The following A4GALT variants were observed in gnomAD, a reference collection of about 807,000 sequenced individuals.
A4GALT encodes the protein alpha 1,4-galactosyltransferase (P1PK blood group), also known as lactosylceramide 4-alpha-galactosyltransferase.
For synonymous variants in A4GALT, 257 were observed against 220.7 expected (o/e 1.16, Z -1.46); for missense variants, 512 against 486.0 (o/e 1.05, Z -0.50).
intron 1 of A4GALT, chr22:42,718,111 A>G (rs1441225301): frequency 1.3e-5 from 2 of 152,256 alleles, no homozygotes; most frequent in Admixed American, 6.5e-5. Context: ...AAAAGTCAAG[A>G]GATCCAATAA....
intron 1 of A4GALT, among the ~76,000 whole-genome samples, chr22:42,720,440 C>T (rs1262066844): frequency 1.3e-5 from 2 of 152,132 alleles, no homozygotes; most frequent in African/African-American, 2.4e-5. Context: ...CCGGGCAGAG[C>T]CTGCCTCGAA....
intron 1 of A4GALT, among the ~76,000 whole-genome samples, chr22:42,717,102 C>T (rs573415538): frequency 5.9e-5 from 9 of 152,106 alleles, no homozygotes; most frequent in Non-Finnish European, 1.5e-5. Context: ...GGGAAGGGGG[C>T]TCCCCTAGTC....
intron 1 of A4GALT, among the ~76,000 whole-genome samples, chr22:42,718,085 G>A (rs1320576298): frequency 1.3e-5 from 2 of 152,094 alleles, no homozygotes; most frequent in Non-Finnish European, 2.9e-5. Context: ...ATCAAAAAGA[G>A]CCAAATATAT....
chr22:42,711,677 AG>A (rs1921708307), intron 1 of A4GALT, among the ~76,000 whole-genome samples: 1 of 151,854 alleles, frequency 6.6e-6, no homozygotes, highest in African/African-American at 2.4e-5. Flanking sequence ...TCTGTTGCCC[AG>A]GCTGCAGTGC....
chr22:42,702,308 A>G (rs963172434), intron 1 of A4GALT, among the ~76,000 whole-genome samples: 3 of 151,790 alleles, frequency 2.0e-5, no homozygotes, highest in African/African-American at 4.8e-5. Flanking sequence ...CCCCCCGGAA[A>G]AAGGGGCTCC....
chr22:42,692,741 C>G lies in A4GALT; in HGVS notation c.*149G>C. ...TCCTCGGGGTGTCCACAGCCTCCCA[C>G]TGGGCCTGCTCCCACAGCTCCTCAA... On this transcript the variant is annotated 3_prime_UTR_variant, in exon 3 of 3. Transcript: ENST00000642412. This position sits in a 1 kb window ranked among gnomAD's most constrained non-coding sequence, Gnocchi z 4.6. The G allele has an allele frequency of 1.1e-6, 1 of 909,264 alleles. No homozygotes were observed. Among genetic ancestry groups the G allele is most frequent in the South Asian group, 1.4e-5 (1 of 71,226 alleles). The allele number at this position is 909,264 out of a possible 1,614,324, so 56.3% of individuals were successfully genotyped here. A position where few individuals can be genotyped will look rare whatever the true frequency, so the allele number is the denominator to read the frequency against.
chr22:42,695,648 GAAGA>G lies in A4GALT; in HGVS notation c.-187-21_-187-18del, dbSNP rs1930870773. 6.6e-6 allele frequency: 1 copy of G among 152,222 alleles called. No homozygotes were observed. The highest frequency in any genetic ancestry group is 1.5e-5 in the Non-Finnish European group (1 of 68,082). The allele number at this position is 152,222 out of a possible 1,614,324, so 9.4% of individuals were successfully genotyped here. ...CAAATCCATCTGCAAAAGATGGCAA[GAAGA>G]GAGTGAAACAGGTCGCTGGCTCTCA... On this transcript the variant is annotated intron_variant, in intron 1 of 2. Coordinates refer to ENST00000642412, the MANE Select transcript of A4GALT (RefSeq NM_017436.7).
chr22:42,697,615 G>A (rs1159150372), intron 1 of A4GALT, among the ~76,000 whole-genome samples: 4 of 152,068 alleles, frequency 2.6e-5, no homozygotes, highest in Admixed American at 2.0e-4. Flanking sequence ...CTCAGGCCAC[G>A]CCATATTTGG....
chr22:42,698,214 C>T (rs1328019987), intron 1 of A4GALT, among the ~76,000 whole-genome samples: 1 of 148,366 alleles, frequency 6.7e-6, no homozygotes, highest in African/African-American at 2.5e-5. Context: ...TGCCACTGCA[C>T]TCTAGCCTGG....
chr22:42,700,834 G>A (rs1020068709), intron 1 of A4GALT, among the ~76,000 whole-genome samples: 9 of 152,374 alleles, frequency 5.9e-5, no homozygotes, highest in African/African-American at 2.2e-4. Context: ...TCGCATTATA[G>A]GCCTTTCCTC....
chr22:42,692,676 AT>A lies in A4GALT; in HGVS notation c.*213del, dbSNP rs749020920. On this transcript the variant is annotated 3_prime_UTR_variant, in exon 3 of 3. Coordinates refer to ENST00000642412, the MANE Select transcript of A4GALT (RefSeq NM_017436.7). This position sits in a 1 kb window ranked among gnomAD's most constrained non-coding sequence, Gnocchi z 4.6. ...ACTCACTGAGCGCCCTCCGCTGGCT[AT>A]GGCACCATGTGTCAGCCCTGCCTCG... 5 of 698,312 alleles carry A rather than the reference AT, an allele frequency of 7.2e-6. No homozygotes were observed. The South Asian group carries it at 7.5e-5, about 10-fold the overall frequency. The allele number at this position is 698,312 out of a possible 1,614,324, so 43.3% of individuals were successfully genotyped here. A position where few individuals can be genotyped will look rare whatever the true frequency, so the allele number is the denominator to read the frequency against.
In A4GALT at chr22:42,693,885, G is replaced by C; in HGVS notation, c.67C>G (p.Leu23Val). 6.2e-7 allele frequency: 1 copy of C among 1,610,282 alleles called. No individual in the cohort carries two copies. The highest frequency in any genetic ancestry group is 1.7e-5 in the Admixed American group (1 of 59,620). The change falls in exon 3 of 3, where the codon CTG becomes GTG. Residue 23 changes from leucine to valine, a missense_variant. Coordinates refer to ENST00000642412, the MANE Select transcript of A4GALT (RefSeq NM_017436.7). Reference protein sequence around the residue: ...RGAPRQRVCTLFIIGFKFTFF... With the variant: ...RGAPRQRVCTVFIIGFKFTFF... Reference sequence around the variant, plus strand: ...GTGAACTTGAAGCCGATGATGAACAGGGTGCAGACCCGCTGCCTTGGGGCG... The same window carrying C: ...GTGAACTTGAAGCCGATGATGAACACGGTGCAGACCCGCTGCCTTGGGGCG...
chr22:42,713,098 A>G (rs1163721943), intron 1 of A4GALT, among the ~76,000 whole-genome samples: 1 of 152,036 alleles, frequency 6.6e-6, no homozygotes, highest in East Asian at 1.9e-4. Flanking sequence ...TTCATCTGTA[A>G]AATAAAGAGC....
intron 1 of A4GALT, among the ~76,000 whole-genome samples, chr22:42,716,694 T>C (rs1196028824): frequency 6.6e-6 from 1 of 152,154 alleles, no homozygotes; most frequent in East Asian, 1.9e-4. Flanking sequence ...GAGGAGGTGC[T>C]TGACTCTGAG....
Position 42,693,640 on chromosome 22 carries a change from A to T in A4GALT, c.312T>A (p.Thr104=). ...GGACCAGCACGTGGGATTCGGGGTGAGTTCTGGCGGCCGACTCCACCGAGC... is the reference window on the plus strand; with the variant it reads ...GGACCAGCACGTGGGATTCGGGGTGTGTTCTGGCGGCCGACTCCACCGAGC... ...FMCSVESAAR[T]HPESHVLVLM... The change falls in exon 3 of 3, where the codon ACT becomes ACA. Residue 104 remains threonine, a synonymous_variant. Coordinates refer to ENST00000642412, the MANE Select transcript of A4GALT (RefSeq NM_017436.7). 3 of 1,600,898 alleles carry T rather than the reference A, an allele frequency of 1.9e-6. No homozygotes were observed. Among genetic ancestry groups the T allele is most frequent in the Non-Finnish European group, 2.6e-6 (3 of 1,173,834 alleles).
In A4GALT at chr22:42,706,354, C is replaced by CTCA. The variant is rs1921128098; in HGVS notation, c.-187-10724_-187-10723insTGA. Among the ~76,000 whole-genome samples, 12 of 83,816 alleles carry CTCA rather than the reference C, an allele frequency of 1.4e-4. 2 individuals carry two copies. The highest frequency in any genetic ancestry group is 5.4e-4 in the African/African-American group (11 of 20,214). The allele number at this position is 83,816 out of a possible 152,430, so 55.0% of individuals were successfully genotyped here. On this transcript the variant is annotated intron_variant, in intron 1 of 2. Coordinates refer to ENST00000642412, the MANE Select transcript of A4GALT (RefSeq NM_017436.7). ...TGGGTGACAGAGCGAGACTCCATCC[C>CTCA]AAAAAAAAAAAAAAAAAAAAAAAGT...
At chr22:42,700,486 G>A (rs5996224) in intron 1 of A4GALT, among the ~76,000 whole-genome samples, 31,864 of 152,164 alleles carry the variant, frequency 0.21, 3,594 homozygotes, top group East Asian at 0.41. Flanking sequence ...CCAAGGTGGG[G>A]CGCATCAGTG....
At chr22:42,720,056 T>C (rs375939907) in intron 1 of A4GALT, among the ~76,000 whole-genome samples, 1 of 152,122 alleles carries the variant, frequency 6.6e-6, no homozygotes, top group African/African-American at 2.4e-5. Flanking sequence ...GGATGGGCGC[T>C]GGGACCAGGT....
chr22:42,712,212 G>A (rs1199245088), intron 1 of A4GALT, among the ~76,000 whole-genome samples: 3 of 152,148 alleles, frequency 2.0e-5, no homozygotes, highest in Non-Finnish European at 4.4e-5. Flanking sequence ...AGCTGGATCT[G>A]GCTGGGTGGG....
Sources: gnomAD v4.1 joint callset for allele counts (sites outside exome capture counted in the v4.1 genomes callset) on GRCh38, gnomAD v4.1.1 for gene constraint, Gnocchi (gnomAD v3.1) non-coding constraint, MANE v1.5 for transcripts, NCBI Gene and HGNC (gene_info 2026-07-23, HGNC 2026-07-21) for gene names.